Variants in ZNF195 observed in about 807,000 individuals in gnomAD.
ZNF195 encodes hypoxia-regulated factor-1.
ZNF195 carries 11 observed loss-of-function variants against 19.5 expected under a neutral mutation model. That is an observed-to-expected ratio of 0.57 (90% CI 0.36 to 0.94). The LOEUF is 0.94. Among genes scored for constraint, ZNF195 ranks in the 40% least tolerant of loss-of-function variants. ZNF195 has a pLI of 0.01. For missense variants in ZNF195, 582 were observed against 709.0 expected (o/e 0.82, Z 2.03); for synonymous variants, 214 against 248.1 (o/e 0.86, Z 1.29).
chr11:3,367,178 A>G (rs1848938669), intron 3 of ZNF195: 1 of 265,080 alleles, frequency 3.8e-6, no homozygotes, highest in South Asian at 3.3e-5. Flanking sequence ...CAGGACTTAG[A>G]AGAGATATTT....
At chr11:3,378,466 T>C (rs1350360464) in intron 1 of ZNF195, among the ~76,000 whole-genome samples, 1 of 152,108 alleles carries the variant, frequency 6.6e-6, no homozygotes, top group Non-Finnish European at 1.5e-5. Flanking sequence ...AAACCTCTAA[T>C]TAACTTCTGA....
Position 3,358,966 on chromosome 11 carries a change from C to T in ZNF195, c.*152G>A, listed in dbSNP as rs1359443752. ...TGTAACATTTTTTTCAGAAGAAATA[C>T]TCTTGTGTGCTCTGGAGACTTATAT... is the stretch of plus-strand genomic sequence containing the variant. On this transcript the variant is annotated 3_prime_UTR_variant, in exon 6 of 6. Transcript: ENST00000399602. The T allele has an allele frequency of 9.9e-7, 1 of 1,014,930 alleles. No homozygotes were observed. Among genetic ancestry groups the T allele is most frequent in the Non-Finnish European group, 1.3e-6 (1 of 773,428 alleles). 62.9% of individuals were successfully genotyped at this position (1,014,930 alleles called of 1,614,324 possible).
chr11:3,378,017 A>G (rs1849548164), intron 1 of ZNF195: 1 of 875,974 alleles, frequency 1.1e-6, no homozygotes, highest in South Asian at 5.3e-5. Context: ...TCTCTTAAAA[A>G]GTGCCGTCCA....
rs189938502 is a variant in ZNF195, at chr11:3,363,777, C to T, written c.227-1888G>A. Among the ~76,000 whole-genome samples the T allele has an allele frequency of 1.1e-3, 164 of 152,144 alleles. 1 individual carries two copies. The East Asian group carries it at 0.014, about 13-fold the overall frequency. On this transcript the variant is annotated intron_variant, in intron 3 of 5. Coordinates refer to ENST00000399602, the MANE Select transcript of ZNF195 (RefSeq NM_001130520.3). ...TCTGATTTCAAAACACATTACAAGG[C>T]GACCGTAATTAAAACAGTTTGGTAC...
rs189733325 is a variant in ZNF195 at position 3,369,364 on chromosome 11, C to T, written c.226+1611G>A. The T allele has an allele frequency of 2.5e-4, 69 of 274,896 alleles. 1 individual carries two copies. The highest frequency in any genetic ancestry group is 1.9e-3 in the East Asian group (18 of 9,462). 17.0% of individuals were successfully genotyped at this position (274,896 alleles called of 1,614,324 possible). A position where few individuals can be genotyped will look rare whatever the true frequency, so the allele number is the denominator to read the frequency against. The stretch of plus-strand genomic sequence containing the variant: ...AGAAAAAGATAAACCTACCCTGCAA[C>T]GCAGCAATCACACTTCTGTGTATAT... On this transcript the variant is annotated intron_variant, in intron 3 of 5. Transcript: ENST00000399602.
At chr11:3,370,051 ATG>A (rs1306624558) in intron 3 of ZNF195, among the ~76,000 whole-genome samples, 7 of 152,232 alleles carry the variant, frequency 4.6e-5, no homozygotes, top group African/African-American at 1.4e-4. Context: ...CACTGTATAT[ATG>A]TGTGTGTATA....
chr11:3,374,612 G>A (rs1849367504), intron 1 of ZNF195, among the ~76,000 whole-genome samples: 2 of 152,258 alleles, frequency 1.3e-5, no homozygotes, highest in South Asian at 4.1e-4. Flanking sequence ...CTCACGTCAT[G>A]TGAGTTAATC....
At position 3,361,876 on chromosome 11, in the gene ZNF195, G is replaced by A. The variant is rs1374543675; in HGVS notation, c.240C>T (p.His80=). 2 of 461,950 alleles carry A rather than the reference G, an allele frequency of 4.3e-6. No individual in the cohort carries two copies. The highest frequency in any genetic ancestry group is 5.4e-5 in the Admixed American group (2 of 37,296). The allele number at this position is 461,950 out of a possible 1,614,324, so 28.6% of individuals were successfully genotyped here. A position where few individuals can be genotyped will look rare whatever the true frequency, so the allele number is the denominator to read the frequency against. ...AADGHPEMGF[H]HATQACLELL... ...GTTCAAGACAAGCCTGAGTAGCATG[G>A]TGAAATCCCATCTCTACAGAAAATA... is the stretch of plus-strand genomic sequence containing the variant. The change falls in exon 4 of 6, where the codon CAC becomes CAT. Residue 80 remains histidine, a synonymous_variant. Transcript: ENST00000399602.
chr11:3,360,705 T>A lies in ZNF195; in HGVS notation c.442+15A>T. 2.6e-6 allele frequency: 4 copies of A among 1,550,902 alleles called. No homozygotes were observed. The highest frequency in any genetic ancestry group is 3.5e-6 in the Non-Finnish European group (4 of 1,146,778). On this transcript the variant is annotated intron_variant, in intron 5 of 5. Coordinates refer to ENST00000399602, the MANE Select transcript of ZNF195 (RefSeq NM_001130520.3). ...AGGCCCTAATTTCTGTATAAACATA[T>A]AAATGTAACAATACCTAGTGAGAAG... is the stretch of plus-strand genomic sequence containing the variant.
At chr11:3,373,638 T>C (rs1459638328) in intron 1 of ZNF195, 7 of 1,548,946 alleles carry the variant, frequency 4.5e-6, no homozygotes, top group Non-Finnish European at 6.1e-6. Context: ...TTAGGAAAGA[T>C]TCTCTGGACA....
chr11:3,362,032 C>A, intron 3 of ZNF195, 143 bp from the exon 4 acceptor site: 1 of 447,344 alleles, frequency 2.2e-6, no homozygotes, highest in Non-Finnish European at 4.5e-6. Flanking sequence ...GCACTTCCAG[C>A]CTGAGTGACA....
intron 3 of ZNF195, chr11:3,369,222 G>A (rs746625253): frequency 2.0e-4 from 45 of 220,256 alleles, no homozygotes; most frequent in Non-Finnish European, 3.4e-4. Context: ...TTACTTTTGC[G>A]CCAATCTACT....
At chr11:3,378,400 T>C (rs1160171387) in intron 1 of ZNF195, among the ~76,000 whole-genome samples, 1 of 151,940 alleles carries the variant, frequency 6.6e-6, no homozygotes, top group Non-Finnish European at 1.5e-5. Flanking sequence ...CTAACTCAGA[T>C]GCGTTTCTTG....
At chr11:3,360,695 T>G in intron 5 of ZNF195, 25 bp downstream of exon 5, 44 of 1,549,344 alleles carry the variant, frequency 2.8e-5, no homozygotes, top group Non-Finnish European at 3.8e-5. Context: ...CTAATTTCTG[T>G]ATAAACATAT....
Position 3,360,542 on chromosome 11 carries a change from C to A in ZNF195, c.466G>T (p.Asp156Tyr). The change falls in exon 6 of 6, where the codon GAC becomes TAC. Residue 156 changes from aspartate (D) to tyrosine (Y), a missense_variant. Coordinates refer to ENST00000399602, the MANE Select transcript of ZNF195 (RefSeq NM_001130520.3). ...TGTATGCCCTGCTCTGGCAGAAGGT[C>A]TTGGGTAAAATGAGAAGACATAGCT... ...SLAMSSHFTQ[D>Y]LLPEQGIQDA... 1.3e-6 allele frequency: 2 copies of A among 1,554,112 alleles called. No homozygotes were observed. Among genetic ancestry groups the A allele is most frequent in the Middle Eastern group, 1.7e-4 (1 of 5,756 alleles).
In ZNF195 at chr11:3,358,974, T is replaced by C. The variant is rs1169167991; in HGVS notation, c.*144A>G. The C allele has an allele frequency of 9.4e-6, 10 of 1,068,118 alleles. No homozygotes were observed. In the East Asian group the frequency reaches 2.9e-4, roughly 31 times the overall value. The allele number at this position is 1,068,118 out of a possible 1,614,324, so 66.2% of individuals were successfully genotyped here. A position where few individuals can be genotyped will look rare whatever the true frequency, so the allele number is the denominator to read the frequency against. Reference sequence around the variant, plus strand: ...TTTTTTCAGAAGAAATACTCTTGTGTGCTCTGGAGACTTATATTTCATGAA... The same window carrying C: ...TTTTTTCAGAAGAAATACTCTTGTGCGCTCTGGAGACTTATATTTCATGAA... On this transcript the variant is annotated 3_prime_UTR_variant, in exon 6 of 6. Coordinates refer to ENST00000399602, the MANE Select transcript of ZNF195 (RefSeq NM_001130520.3).
At position 3,359,556 on chromosome 11, in the gene ZNF195, A is replaced by T; in HGVS notation, c.1452T>A (p.His484Gln). ...VFRTCSSLSNHKRTHSEEKPY... is the reference protein window; with the variant it reads ...VFRTCSSLSNQKRTHSEEKPY... ...GTTTTTCTTCAGAATGAGTTCTCTT[A>T]TGGTTAGAAAGGCTTGAGCAAGTTC... is the stretch of plus-strand genomic sequence containing the variant. Residue 484 changes from histidine to glutamine, a missense_variant, in exon 6 of 6, where the codon CAT (histidine) becomes CAA (glutamine). Transcript: ENST00000399602. The surrounding 1 kb of genome is among the most constrained non-coding windows in gnomAD (Gnocchi z 5.5). 1 of 1,614,052 alleles carries T rather than the reference A, an allele frequency of 6.2e-7. No individual in the cohort carries two copies. Among genetic ancestry groups the T allele is most frequent in the South Asian group, 1.1e-5 (1 of 91,082 alleles).
Position 3,358,186 on chromosome 11 carries a change from C to G in ZNF195, c.*932G>C, listed in dbSNP as rs1848469472. On this transcript the variant is annotated 3_prime_UTR_variant, in exon 6 of 6. Coordinates refer to ENST00000399602, the MANE Select transcript of ZNF195 (RefSeq NM_001130520.3). The stretch of plus-strand genomic sequence containing the variant: ...CATGTTAACCGCATCCTGTAACTGT[C>G]TGCACAGTTACTGGAGGGATCAGTG... 6.6e-6 allele frequency: 1 copy of G among 152,004 alleles called. No homozygotes were observed. Among genetic ancestry groups the G allele is most frequent in the Non-Finnish European group, 1.5e-5 (1 of 68,036 alleles). The allele number at this position is 152,004 out of a possible 1,614,324, so 9.4% of individuals were successfully genotyped here. A position where few individuals can be genotyped will look rare whatever the true frequency, so the allele number is the denominator to read the frequency against.
At chr11:3,377,350 G>C (rs929089520) in intron 1 of ZNF195, among the ~76,000 whole-genome samples, 1 of 152,114 alleles carries the variant, frequency 6.6e-6, no homozygotes, top group Non-Finnish European at 1.5e-5. Context: ...AGTGCTCACC[G>C]GCCACCCCCG....
Sources: allele counts gnomAD v4.1 joint callset (sites outside exome capture counted in the v4.1 genomes callset), GRCh38; gene constraint gnomAD v4.1.1; non-coding constraint Gnocchi (gnomAD v3.1); transcripts MANE v1.5; gene names NCBI Gene and HGNC (gene_info 2026-07-23, HGNC 2026-07-21).